The following HMBOX1 variants were observed in gnomAD, a reference collection of about 807,000 sequenced individuals.
HMBOX1 encodes homeobox containing 1.
HMBOX1 carries 14 observed loss-of-function variants against 54.5 expected under a neutral mutation model. The ratio of observed to expected loss-of-function variants is 0.26; its 90% CI spans 0.17 to 0.40. HMBOX1 has a LOEUF of 0.40. HMBOX1 is among the 10% of genes least tolerant of loss of function. HMBOX1 has a pLI of 1.00. For missense variants in HMBOX1, 332 were observed against 514.4 expected, an observed-to-expected ratio of 0.65 and a Z score of 3.43; for synonymous variants, 160 against 181.0, an observed-to-expected ratio of 0.88 and a Z score of 0.93.
chr8:29,045,877 C>G (rs1311786208), intron 7 of HMBOX1, among the ~76,000 whole-genome samples: 1 of 152,050 alleles, frequency 6.6e-6, no homozygotes, highest in Non-Finnish European at 1.5e-5. Flanking sequence ...GGAAAGAATT[C>G]TTTTTGTAGT....
At chr8:29,022,018 C>CAA (rs1382222526) in intron 6 of HMBOX1, among the ~76,000 whole-genome samples, 17 of 152,130 alleles carry the variant, frequency 1.1e-4, no homozygotes, top group African/African-American at 3.6e-4. Flanking sequence ...CACTCTCATA[C>CAA]GTTACTTGTA....
chr8:28,966,292 T>C lies in HMBOX1; in HGVS notation c.23+2402T>C, dbSNP rs533537259. ...ATGATATTTTCTTAGAATATCAGTTTATGAACTGAGCCATAATTCCTGAAT... is the reference window on the plus strand; with the variant it reads ...ATGATATTTTCTTAGAATATCAGTTCATGAACTGAGCCATAATTCCTGAAT... On this transcript the variant is annotated intron_variant, in intron 2 of 9. Coordinates refer to ENST00000287701, the MANE Select transcript of HMBOX1 (RefSeq NM_001135726.3). Among the ~76,000 whole-genome samples, 6 of 152,352 alleles carry C rather than the reference T, an allele frequency of 3.9e-5. No homozygotes were observed. The South Asian group carries it at 1.2e-3, about 32-fold the overall frequency.
At chr8:28,898,241 A>G (rs200131519) in intron 1 of HMBOX1, among the ~76,000 whole-genome samples, 3 of 2,592 alleles carry the variant, frequency 1.2e-3, no homozygotes, top group African/African-American at 2.2e-3. Flanking sequence ...AATTTCTATT[A>G]AAAAAAGACA....
intron 3 of HMBOX1, among the ~76,000 whole-genome samples, chr8:28,971,022 ACACACACATT>A (rs1827306232): frequency 6.8e-6 from 1 of 146,286 alleles, no homozygotes; most frequent in Admixed American, 6.8e-5. Flanking sequence ...ACACACACAC[ACACACACATT>A]GTCTTTTATA....
chr8:28,998,212 T>C (rs766946965), intron 4 of HMBOX1, among the ~76,000 whole-genome samples: 1 of 152,214 alleles, frequency 6.6e-6, no homozygotes, highest in Non-Finnish European at 1.5e-5. Flanking sequence ...TAATCGTTGT[T>C]GATCTATGTA....
At chr8:28,979,090 C>T (rs1456846264) in intron 3 of HMBOX1, among the ~76,000 whole-genome samples, 1 of 152,174 alleles carries the variant, frequency 6.6e-6, no homozygotes, top group African/African-American at 2.4e-5. Flanking sequence ...AGCCCATAGG[C>T]GGTAATTTGC....
intron 6 of HMBOX1, among the ~76,000 whole-genome samples, chr8:29,033,821 A>G (rs1803406666): frequency 6.6e-6 from 1 of 152,206 alleles, no homozygotes; most frequent in African/African-American, 2.4e-5. Context: ...GTTGTATATA[A>G]TGAGTGACCA....
At chr8:28,994,664 G>A (rs1831521461) in intron 4 of HMBOX1, among the ~76,000 whole-genome samples, 1 of 152,114 alleles carries the variant, frequency 6.6e-6, no homozygotes, top group East Asian at 1.9e-4. Flanking sequence ...AAAAGATACT[G>A]TAAACAAGAT....
rs1022858949 is a variant in HMBOX1, at chr8:28,963,827, G to C, written c.-41G>C. The C allele has an allele frequency of 1.3e-6, 2 of 1,545,418 alleles. No individual in the cohort carries two copies. The highest frequency in any genetic ancestry group is 2.7e-5 in the African/African-American group (2 of 73,712). On this transcript the variant is annotated 5_prime_UTR_variant, in exon 2 of 10. Transcript: ENST00000287701. ...GTTCTACAGAATGGTAGATAACGCA[G>C]ATCATCTCTGGAAAGGATATTGATC...
chr8:28,923,182 C>G (rs1817836633), intron 1 of HMBOX1, among the ~76,000 whole-genome samples: 1 of 152,170 alleles, frequency 6.6e-6, no homozygotes, highest in South Asian at 2.1e-4. Context: ...ACTCCTAATT[C>G]TCTCCTGCCC....
intron 1 of HMBOX1, among the ~76,000 whole-genome samples, chr8:28,957,590 C>G (rs1179671809): frequency 1.3e-5 from 2 of 151,348 alleles, no homozygotes; most frequent in Non-Finnish European, 2.9e-5. Flanking sequence ...CCTTTCTGCT[C>G]TATTAGGTCC....
chr8:28,999,599 A>G (rs1251853587), intron 4 of HMBOX1, among the ~76,000 whole-genome samples: 6 of 151,862 alleles, frequency 4.0e-5, no homozygotes, highest in Admixed American at 3.3e-4. Flanking sequence ...GTTCCTTATA[A>G]TAGATCATAT....
chr8:28,922,413 G>T (rs967542554), intron 1 of HMBOX1, among the ~76,000 whole-genome samples: 3 of 152,178 alleles, frequency 2.0e-5, no homozygotes, highest in Non-Finnish European at 4.4e-5. Context: ...AGGGACAACT[G>T]TAATAGGACA....
Position 28,907,575 on chromosome 8 carries a change from A to C in HMBOX1, c.-58+16897A>C, listed in dbSNP as rs114162357. On this transcript the variant is annotated intron_variant, in intron 1 of 9. Transcript: ENST00000287701. ...TAGTATAAAAACAATTAGTGCAATC[A>C]GTGATTTGTTATGTGCCTCTGCTCC... Among the ~76,000 whole-genome samples the C allele has an allele frequency of 8.2e-3, 1,243 of 152,280 alleles. 16 individuals carry two copies. Among genetic ancestry groups the C allele is most frequent in the African/African-American group, 0.029 (1,203 of 41,558 alleles).
chr8:28,932,202 G>A (rs992822119), intron 1 of HMBOX1, among the ~76,000 whole-genome samples: 8 of 152,158 alleles, frequency 5.3e-5, no homozygotes, highest in Non-Finnish European at 5.9e-5. Flanking sequence ...TCAGAAAGAC[G>A]GCAACTGTGC....
intron 6 of HMBOX1, among the ~76,000 whole-genome samples, chr8:29,027,073 G>C (rs1369997561): frequency 6.6e-6 from 1 of 152,066 alleles, no homozygotes; most frequent in East Asian, 1.9e-4. Flanking sequence ...ATATATAATT[G>C]ACTAATATTT....
At chr8:28,922,473 A>G (rs1487806958) in intron 1 of HMBOX1, among the ~76,000 whole-genome samples, 1 of 152,180 alleles carries the variant, frequency 6.6e-6, no homozygotes, top group African/African-American at 2.4e-5. Flanking sequence ...AAGTACTTTT[A>G]TCTTTGCAAA....
chr8:29,045,726 C>T lies in HMBOX1; in HGVS notation c.934+283C>T, dbSNP rs1805476728. On this transcript the variant is annotated intron_variant, in intron 7 of 9. Coordinates refer to ENST00000287701, the MANE Select transcript of HMBOX1 (RefSeq NM_001135726.3). ...ACTATTTTTTTAATGTGTAGATTTC[C>T]TTTTCTAAGAATTTAGCTAAAAGAT... Among the ~76,000 whole-genome samples, 4 of 151,036 alleles carry T rather than the reference C, an allele frequency of 2.6e-5. No individual in the cohort carries two copies. In the South Asian group the frequency reaches 8.4e-4, roughly 32 times the overall value.
At chr8:28,900,531 CTG>C (rs1204587530) in intron 1 of HMBOX1, among the ~76,000 whole-genome samples, 2 of 151,922 alleles carry the variant, frequency 1.3e-5, no homozygotes, top group Non-Finnish European at 1.5e-5. Flanking sequence ...ATATTAAACA[CTG>C]TGTCCATCCT....
Sources: gnomAD v4.1 joint callset for allele counts (sites outside exome capture counted in the v4.1 genomes callset) on GRCh38, gnomAD v4.1.1 for gene constraint, MANE v1.5 for transcripts, NCBI Gene and HGNC (gene_info 2026-07-23, HGNC 2026-07-21) for gene names.